The following ZMIZ1 variants were observed in gnomAD, a reference collection of about 807,000 sequenced individuals.
The protein encoded by ZMIZ1 is zinc finger MIZ-type containing 1, also known as zinc finger MIZ domain-containing protein 1.
ZMIZ1 carries 17 observed loss-of-function variants against 113.9 expected under a neutral mutation model. That is an observed-to-expected ratio of 0.15 (90% confidence interval 0.10 to 0.22). The LOEUF is 0.22. ZMIZ1 is among the 10% of genes least tolerant of loss of function. The pLI is 1.00. For missense variants in ZMIZ1, 1,059 were observed against 1,477.8 expected, an observed-to-expected ratio of 0.72 and a Z score of 4.65; for synonymous variants, 607 against 603.1, an observed-to-expected ratio of 1.01 and a Z score of -0.09.
At position 79,102,016 on chromosome 10, in the gene ZMIZ1, G is replaced by A. The variant is rs527383130; in HGVS notation, c.-336-16899G>A. Among the ~76,000 whole-genome samples the A allele has an allele frequency of 8.5e-5, 13 of 152,292 alleles. No homozygotes were observed. In the South Asian group the frequency reaches 2.3e-3, roughly 27 times the overall value. On this transcript the variant is annotated intron_variant, in intron 1 of 24. Transcript: ENST00000334512. ...CTCCCCATGGCACCAGGGACCTCAC[G>A]TGGGTCAGGATCTCTCCACCTTCTC...
intron 3 of ZMIZ1, among the ~76,000 whole-genome samples, chr10:79,155,865 G>A (rs890664965): frequency 7.9e-5 from 12 of 152,262 alleles, no homozygotes; most frequent in Non-Finnish European, 1.3e-4. Flanking sequence ...CTGCCTGAAA[G>A]ACTGCCCGAG....
intron 1 of ZMIZ1, among the ~76,000 whole-genome samples, chr10:79,107,007 C>T (rs1227538522): frequency 6.6e-6 from 1 of 152,224 alleles, no homozygotes; most frequent in Non-Finnish European, 1.5e-5. Flanking sequence ...GCTTTTTGAT[C>T]ATTTTCAGAG....
intron 4 of ZMIZ1, among the ~76,000 whole-genome samples, chr10:79,194,139 G>A (rs1012003687): frequency 2.0e-5 from 3 of 152,236 alleles, no homozygotes; most frequent in African/African-American, 7.2e-5. Flanking sequence ...GACCTAAGCT[G>A]CAGATGTGCA....
chr10:79,311,829 G>C (rs1411309090), intron 24 of ZMIZ1, among the ~76,000 whole-genome samples: 1 of 152,044 alleles, frequency 6.6e-6, no homozygotes, highest in Admixed American at 6.5e-5. Context: ...GATGGGGCTG[G>C]CGGGATGGGA....
intron 4 of ZMIZ1, among the ~76,000 whole-genome samples, chr10:79,182,110 CTGTGTG>C (rs1295919823): frequency 6.6e-6 from 1 of 152,146 alleles, no homozygotes; most frequent in Non-Finnish European, 1.5e-5. Flanking sequence ...ATTACCAGAA[CTGTGTG>C]TGTGTATGTG....
intron 3 of ZMIZ1, among the ~76,000 whole-genome samples, chr10:79,147,584 C>T (rs1024311433): frequency 6.6e-6 from 1 of 152,184 alleles, no homozygotes; most frequent in East Asian, 1.9e-4. Context: ...CTGGAAACTT[C>T]GTCAAACCCT....
At chr10:79,251,782 C>T (rs1308503088) in intron 7 of ZMIZ1, among the ~76,000 whole-genome samples, 1 of 152,206 alleles carries the variant, frequency 6.6e-6, no homozygotes, top group Non-Finnish European at 1.5e-5. Context: ...TTTGATTTGC[C>T]AGCAACAGGC....
At chr10:79,240,157 G>C (rs921224526) in intron 7 of ZMIZ1, among the ~76,000 whole-genome samples, 1 of 132,482 alleles carries the variant, frequency 7.5e-6, no homozygotes, top group African/African-American at 2.6e-5. Context: ...TCAAGGAGCC[G>C]CAGCGCGGGG....
At chr10:79,142,358 G>A (rs1263160395) in intron 3 of ZMIZ1, among the ~76,000 whole-genome samples, 1 of 152,154 alleles carries the variant, frequency 6.6e-6, no homozygotes, top group African/African-American at 2.4e-5. Flanking sequence ...AGAGTGTGTG[G>A]CGCTTGAGAG....
At chr10:79,233,716 C>T (rs551916046) in intron 7 of ZMIZ1, among the ~76,000 whole-genome samples, 4 of 142,064 alleles carry the variant, frequency 2.8e-5, no homozygotes, top group African/African-American at 1.0e-4. Context: ...CTCACCTTCC[C>T]TTTCAAATTC....
At chr10:79,173,978 C>T (rs1682559746) in intron 4 of ZMIZ1, among the ~76,000 whole-genome samples, 2 of 152,196 alleles carry the variant, frequency 1.3e-5, no homozygotes, top group African/African-American at 4.8e-5. Context: ...GAGGGCATGT[C>T]AGAATTTGTT....
chr10:79,150,219 C>T (rs2132448397), intron 3 of ZMIZ1, among the ~76,000 whole-genome samples: 1 of 152,332 alleles, frequency 6.6e-6, no homozygotes, highest in South Asian at 2.1e-4. Context: ...CACCCGCCCA[C>T]CCAACAGGAA....
intron 1 of ZMIZ1, among the ~76,000 whole-genome samples, chr10:79,095,038 A>G (rs1356423067): frequency 2.6e-5 from 4 of 151,790 alleles, no homozygotes; most frequent in African/African-American, 9.7e-5. Flanking sequence ...CTTGGACCAG[A>G]GAGGGCTGTC....
At chr10:79,163,255 G>T (rs1053414904) in intron 4 of ZMIZ1, among the ~76,000 whole-genome samples, 14 of 152,244 alleles carry the variant, frequency 9.2e-5, no homozygotes, top group African/African-American at 3.4e-4. Flanking sequence ...CTAGGGGCAG[G>T]GCCAGGCGAG....
At chr10:79,151,408 G>A (rs1052604151) in intron 3 of ZMIZ1, among the ~76,000 whole-genome samples, 4 of 152,206 alleles carry the variant, frequency 2.6e-5, no homozygotes, top group South Asian at 2.1e-4. Flanking sequence ...ACTAGATTTC[G>A]TAGGCAGTGG....
chr10:79,258,692 A>AT (rs1390517537), intron 7 of ZMIZ1, among the ~76,000 whole-genome samples: 2 of 152,216 alleles, frequency 1.3e-5, no homozygotes, highest in African/African-American at 4.8e-5. Flanking sequence ...CAGCACCAAC[A>AT]TTCTAGGCTC....
intron 7 of ZMIZ1, among the ~76,000 whole-genome samples, chr10:79,258,014 A>G (rs1851030050): frequency 1.3e-5 from 2 of 152,232 alleles, no homozygotes; most frequent in Non-Finnish European, 2.9e-5. Context: ...GAAGGTAGTC[A>G]GAAACTGGAT....
At chr10:79,301,695 A>C (rs1854311726) in intron 17 of ZMIZ1, among the ~76,000 whole-genome samples, 1 of 152,144 alleles carries the variant, frequency 6.6e-6, no homozygotes, top group Non-Finnish European at 1.5e-5. Context: ...GTGAGGCTGC[A>C]CAACTGTCAG....
At chr10:79,164,643 A>G (rs1846247667) in intron 4 of ZMIZ1, among the ~76,000 whole-genome samples, 4 of 152,208 alleles carry the variant, frequency 2.6e-5, no homozygotes, top group African/African-American at 7.2e-5. Flanking sequence ...CAACCATGCT[A>G]TCTCTTCAGC....
Sources: allele counts gnomAD v4.1 joint callset (sites outside exome capture counted in the v4.1 genomes callset), GRCh38; gene constraint gnomAD v4.1.1; transcripts MANE v1.5; gene names NCBI Gene and HGNC (gene_info 2026-07-23, HGNC 2026-07-21).